Variants in CAMTA1 observed in about 807,000 individuals in gnomAD.
CAMTA1 encodes the protein calmodulin binding transcription activator 1.
CAMTA1 carries 27 observed loss-of-function variants against 170.9 expected under a neutral mutation model. That is an observed-to-expected ratio of 0.16 (90% CI 0.12 to 0.22). The LOEUF is 0.22. CAMTA1 is among the 10% of genes least tolerant of loss of function. CAMTA1 has a pLI of 1.00. For missense variants in CAMTA1, 1,619 were observed against 2,217.2 expected (o/e 0.73, Z 5.42); for synonymous variants, 833 against 891.5 (o/e 0.93, Z 1.17).
At chr1:7,650,216 C>T (rs1210342428) in intron 7 of CAMTA1, among the ~76,000 whole-genome samples, 1 of 152,240 alleles carries the variant, frequency 6.6e-6, no homozygotes, top group East Asian at 1.9e-4. Context: ...ACACTTCACC[C>T]ACGGTGCAAA....
At chr1:7,126,372 C>G (rs1644934445) in intron 4 of CAMTA1, among the ~76,000 whole-genome samples, 1 of 152,204 alleles carries the variant, frequency 6.6e-6, no homozygotes, top group Non-Finnish European at 1.5e-5. Context: ...TGCTGCAAGC[C>G]TCTTTCCAGG....
chr1:7,197,096 TC>T (rs989506892), intron 4 of CAMTA1, among the ~76,000 whole-genome samples: 2 of 152,222 alleles, frequency 1.3e-5, no homozygotes, highest in African/African-American at 4.8e-5. Context: ...TCATCTGGCA[TC>T]GTGCCATGTG....
Position 7,224,650 on chromosome 1 carries a change from A to G in CAMTA1, c.303-24841A>G, listed in dbSNP as rs1030425446. Among the ~76,000 whole-genome samples, 6 of 151,876 alleles carry G rather than the reference A, an allele frequency of 4.0e-5. No homozygotes were observed. The highest frequency in any genetic ancestry group is 4.8e-5 in the African/African-American group (2 of 41,350). ...CGGGGTCCCAGGTTGGAGGCGTGAC[A>G]CCCGCGCCTCTCCGCTGGTGTCATT... On this transcript the variant is annotated intron_variant, in intron 4 of 22. Transcript: ENST00000303635. This position sits in a 1 kb window ranked among gnomAD's most constrained non-coding sequence, Gnocchi z 5.2.
intron 5 of CAMTA1, among the ~76,000 whole-genome samples, chr1:7,303,538 A>T (rs1171438195): frequency 6.6e-6 from 1 of 152,076 alleles, no homozygotes; most frequent in East Asian, 1.9e-4. Flanking sequence ...TTATTTTCTT[A>T]CCCTTTTGTT....
chr1:7,440,287 C>T lies in CAMTA1; in HGVS notation c.439-27543C>T, dbSNP rs145206149. Among the ~76,000 whole-genome samples, 373 of 152,374 alleles carry T rather than the reference C, an allele frequency of 2.4e-3. 9 individuals carry two copies. In the East Asian group the frequency reaches 0.049, roughly 20 times the overall value. ...AGCTGCCTCCTGACCAGTCAGCAAT[C>T]GGGAGCCCCGACCTCTTCCCTCTCC... On this transcript the variant is annotated intron_variant, in intron 5 of 22. Coordinates refer to ENST00000303635, the MANE Select transcript of CAMTA1 (RefSeq NM_015215.4).
intron 6 of CAMTA1, among the ~76,000 whole-genome samples, chr1:7,509,170 T>A (rs756804752): frequency 6.6e-6 from 1 of 152,224 alleles, no homozygotes; most frequent in African/African-American, 2.4e-5. Context: ...AATAAGCAGG[T>A]TGCTTCTGTC....
At chr1:7,316,232 C>T (rs976985549) in intron 5 of CAMTA1, among the ~76,000 whole-genome samples, 1 of 152,230 alleles carries the variant, frequency 6.6e-6, no homozygotes, top group African/African-American at 2.4e-5. Context: ...GGAGGGGACA[C>T]AGCCAAACCA....
intron 4 of CAMTA1, among the ~76,000 whole-genome samples, chr1:7,096,565 G>A (rs960765386): frequency 3.5e-4 from 53 of 152,194 alleles, no homozygotes; most frequent in African/African-American, 1.2e-3. Flanking sequence ...GAGCCACCTC[G>A]TTTGTGGAGA....
chr1:7,377,634 A>G (rs845213), intron 5 of CAMTA1, among the ~76,000 whole-genome samples: 141,622 of 152,280 alleles, frequency 0.93, 65,935 homozygotes, highest in East Asian at 1. Flanking sequence ...ATGGCCCATG[A>G]ACCAAATCCA....
chr1:7,574,220 C>T (rs1049686434), intron 6 of CAMTA1, among the ~76,000 whole-genome samples: 7 of 143,764 alleles, frequency 4.9e-5, no homozygotes, highest in Non-Finnish European at 1.0e-4. Flanking sequence ...GAGCTCTGAG[C>T]CAAGGGCTGG....
intron 4 of CAMTA1, among the ~76,000 whole-genome samples, chr1:7,226,160 A>T (rs1574025729): frequency 6.6e-6 from 1 of 152,318 alleles, no homozygotes; most frequent in South Asian, 2.1e-4. Flanking sequence ...GCCTCCAAAG[A>T]ACCCACTTTT....
intron 4 of CAMTA1, among the ~76,000 whole-genome samples, chr1:7,166,120 G>A (rs1169319212): frequency 1.3e-5 from 2 of 151,748 alleles, no homozygotes; most frequent in South Asian, 2.1e-4. Flanking sequence ...AGGCTAGAGT[G>A]CAGTGGCATG....
rs138890369 is a variant in CAMTA1, at chr1:7,631,447, G to C, written c.511-8953G>C. Among the ~76,000 whole-genome samples, 290 of 152,300 alleles carry C rather than the reference G, an allele frequency of 1.9e-3. 5 individuals are homozygous for C. In the East Asian group the frequency reaches 0.041, roughly 22 times the overall value. ...AAGGCACTCTCCTTTCTGTAAACAGGGATAGCAATACCACTTGCACCTGTG... is the reference window on the plus strand; with the variant it reads ...AAGGCACTCTCCTTTCTGTAAACAGCGATAGCAATACCACTTGCACCTGTG... On this transcript the variant is annotated intron_variant, in intron 6 of 22. Transcript: ENST00000303635.
chr1:7,679,506 C>T (rs1309380014), intron 11 of CAMTA1, among the ~76,000 whole-genome samples: 1 of 151,894 alleles, frequency 6.6e-6, no homozygotes, highest in Non-Finnish European at 1.5e-5. Flanking sequence ...CAGACACACC[C>T]CGGGACCTCG....
chr1:6,929,765 G>A (rs1204153770), intron 3 of CAMTA1, among the ~76,000 whole-genome samples: 3 of 152,208 alleles, frequency 2.0e-5, no homozygotes, highest in Non-Finnish European at 4.4e-5. Flanking sequence ...CCAAAGTGTT[G>A]GGATTACCGG....
At chr1:7,087,900 C>A (rs1406056154) in intron 3 of CAMTA1, among the ~76,000 whole-genome samples, 1 of 152,182 alleles carries the variant, frequency 6.6e-6, no homozygotes, top group East Asian at 1.9e-4. Flanking sequence ...GCACCAAATA[C>A]TTTGTGTGGT....
intron 6 of CAMTA1, among the ~76,000 whole-genome samples, chr1:7,550,137 G>A (rs1040050021): frequency 1.1e-4 from 16 of 152,166 alleles, no homozygotes; most frequent in Admixed American, 4.6e-4. Context: ...GGCTAAGGGT[G>A]CCCAGAGGCA....
intron 5 of CAMTA1, among the ~76,000 whole-genome samples, chr1:7,318,660 C>T (rs151078184): frequency 1.0e-3 from 159 of 152,320 alleles, no homozygotes; most frequent in Non-Finnish European, 2.0e-3. Flanking sequence ...TTGGGTTCCT[C>T]AGCTATTTTG....
intron 3 of CAMTA1, among the ~76,000 whole-genome samples, chr1:6,940,460 C>G (rs903189946): frequency 1.3e-5 from 2 of 152,204 alleles, no homozygotes; most frequent in African/African-American, 4.8e-5. Context: ...CTTTACTCAC[C>G]TACTGATTCA....
Sources: allele counts gnomAD v4.1 joint callset (sites outside exome capture counted in the v4.1 genomes callset), GRCh38; gene constraint gnomAD v4.1.1; non-coding constraint Gnocchi (gnomAD v3.1); transcripts MANE v1.5; gene names NCBI Gene and HGNC (gene_info 2026-07-23, HGNC 2026-07-21).